The following CMSS1 variants were observed in gnomAD, a reference collection of about 807,000 sequenced individuals.
CMSS1 encodes cms1 ribosomal small subunit homolog.
Under a neutral mutation model 43.5 loss-of-function variants are expected in CMSS1, and 33 were observed. The observed-to-expected ratio is 0.76, with a 90% CI of 0.57 to 1.01. CMSS1 has a LOEUF of 1.01. Ranked by LOEUF, CMSS1 falls within the 50% of genes least tolerant of loss-of-function variation. The pLI is 0.00. For missense variants in CMSS1, 313 were observed against 326.4 expected (o/e 0.96, Z 0.32); for synonymous variants, 115 against 117.2 (o/e 0.98, Z 0.12).
intron 1 of CMSS1, among the ~76,000 whole-genome samples, chr3:100,065,996 A>G (rs1185195258): frequency 1.3e-5 from 2 of 152,210 alleles, no homozygotes; most frequent in Admixed American, 6.5e-5. Flanking sequence ...CGACCCAGCA[A>G]TATGTACTTT....
chr3:99,906,307 A>G (rs934360888), intron 1 of CMSS1, among the ~76,000 whole-genome samples: 3 of 152,194 alleles, frequency 2.0e-5, no homozygotes, highest in East Asian at 1.9e-4. Context: ...TCCCTTTCAC[A>G]TGCTTATTTG....
Position 100,109,087 on chromosome 3 carries a change from T to TAA in CMSS1, c.65-37873_65-37872dup, listed in dbSNP as rs5851196. On this transcript the variant is annotated intron_variant, in intron 1 of 9. Coordinates refer to ENST00000421999, the MANE Select transcript of CMSS1 (RefSeq NM_032359.4). ...AGGATGATCGTTTTTAACTGTCTCT[T>TAA]AAAAAAAAAAAAAAGCATATTTCTC... Among the ~76,000 whole-genome samples the TAA allele has an allele frequency of 5.5e-5, 8 of 144,898 alleles. No homozygotes were observed. In the South Asian group the frequency reaches 1.7e-3, roughly 32 times the overall value.
chr3:100,158,897 C>T (rs191910314), intron 2 of CMSS1, among the ~76,000 whole-genome samples: 9 of 152,326 alleles, frequency 5.9e-5, no homozygotes, highest in Non-Finnish European at 4.4e-5. Flanking sequence ...CACCTCCATA[C>T]GTTAATAGAT....
At chr3:99,878,774 T>TA (rs1013792342) in intron 1 of CMSS1, among the ~76,000 whole-genome samples, 1 of 152,228 alleles carries the variant, frequency 6.6e-6, no homozygotes, top group African/African-American at 2.4e-5. Flanking sequence ...CTTTAACTGA[T>TA]ACAAGAGTAC....
intron 1 of CMSS1, among the ~76,000 whole-genome samples, chr3:99,968,570 T>C (rs2107713596): frequency 6.6e-6 from 1 of 152,072 alleles, no homozygotes; most frequent in East Asian, 1.9e-4. Flanking sequence ...CAGTGGTGTT[T>C]AAAATCAAGA....
chr3:100,090,376 A>G (rs1039050151), intron 1 of CMSS1, among the ~76,000 whole-genome samples: 2 of 152,240 alleles, frequency 1.3e-5, no homozygotes, highest in Non-Finnish European at 2.9e-5. Context: ...ATGGGATTCA[A>G]TCATGCTGGT....
intron 1 of CMSS1, among the ~76,000 whole-genome samples, chr3:99,829,658 G>T (rs991888835): frequency 6.6e-6 from 1 of 152,122 alleles, no homozygotes; most frequent in African/African-American, 2.4e-5. Flanking sequence ...TTTCGATAGT[G>T]TTTATTCAGA....
intron 1 of CMSS1, among the ~76,000 whole-genome samples, chr3:99,953,538 T>G (rs1221627562): frequency 3.3e-5 from 5 of 152,156 alleles, no homozygotes. Context: ...CGTTGGACCA[T>G]TTTACCTTTG....
At chr3:100,152,015 C>G (rs1329163497) in intron 2 of CMSS1, among the ~76,000 whole-genome samples, 1 of 152,132 alleles carries the variant, frequency 6.6e-6, no homozygotes, top group African/African-American at 2.4e-5. Flanking sequence ...GTAGTATAAC[C>G]TTTATTGACA....
At chr3:100,142,431 T>C (rs1266318954) in intron 1 of CMSS1, among the ~76,000 whole-genome samples, 1 of 152,226 alleles carries the variant, frequency 6.6e-6, no homozygotes, top group Non-Finnish European at 1.5e-5. Context: ...CTAGAGATAA[T>C]TTAAAGTATA....
intron 1 of CMSS1, among the ~76,000 whole-genome samples, chr3:99,886,604 A>G (rs1281440233): frequency 6.6e-6 from 1 of 152,160 alleles, no homozygotes; most frequent in Non-Finnish European, 1.5e-5. Context: ...AAGGCCCAAA[A>G]AAAAATTAAC....
intron 1 of CMSS1, among the ~76,000 whole-genome samples, chr3:100,045,191 C>T (rs1412190717): frequency 6.6e-6 from 1 of 152,200 alleles, no homozygotes; most frequent in African/African-American, 2.4e-5. Flanking sequence ...CTCTCGAAGC[C>T]TTAGTTGTTG....
intron 2 of CMSS1, among the ~76,000 whole-genome samples, chr3:100,151,302 A>G (rs886546125): frequency 2.4e-4 from 37 of 152,320 alleles, no homozygotes; most frequent in African/African-American, 8.7e-4. Flanking sequence ...TAAAACAAAA[A>G]CATTTATTAT....
At position 100,164,949 on chromosome 3, in the gene CMSS1, G is replaced by A. The variant is rs568725594; in HGVS notation, c.356-1386G>A. Among the ~76,000 whole-genome samples, 8 of 152,274 alleles carry A rather than the reference G, an allele frequency of 5.3e-5. No individual in the cohort carries two copies. In the South Asian group the frequency reaches 1.7e-3, roughly 32 times the overall value. On this transcript the variant is annotated intron_variant, in intron 4 of 9. Coordinates refer to ENST00000421999, the MANE Select transcript of CMSS1 (RefSeq NM_032359.4). ...ATGGGCACTTAATTAGGATTTCAAG[G>A]TTGGAGTCACCCGGAGCTAATTAAC... is the stretch of plus-strand genomic sequence containing the variant.
intron 1 of CMSS1, among the ~76,000 whole-genome samples, chr3:99,946,424 T>C (rs1444142749): frequency 2.0e-5 from 3 of 152,246 alleles, no homozygotes; most frequent in Admixed American, 2.0e-4. Context: ...GTCTTTTCTG[T>C]GTGGCTGCTA....
chr3:100,047,510 C>T (rs1041234832), intron 1 of CMSS1, among the ~76,000 whole-genome samples: 5 of 152,242 alleles, frequency 3.3e-5, no homozygotes, highest in African/African-American at 1.2e-4. Context: ...CTGAAACCAG[C>T]GAGGGTCATA....
In CMSS1 at chr3:99,965,383, A is replaced by G. The variant is rs956403907; in HGVS notation, c.64+147340A>G. Among the ~76,000 whole-genome samples the G allele has an allele frequency of 2.6e-5, 4 of 152,274 alleles. No individual in the cohort carries two copies. In the South Asian group the frequency reaches 6.2e-4, roughly 24 times the overall value. On this transcript the variant is annotated intron_variant, in intron 1 of 9. Transcript: ENST00000421999. ...TCTCTCTGTTGCCCAGTCAGGTGCT[A>G]TGGCATGTGCTGCTTCTGGCGTAGT...
intron 1 of CMSS1, among the ~76,000 whole-genome samples, chr3:100,082,471 A>G (rs1021766598): frequency 5.3e-5 from 8 of 152,116 alleles, no homozygotes; most frequent in Non-Finnish European, 7.4e-5. Context: ...AATGGTTTCT[A>G]TTTTCTTCTA....
At chr3:99,867,896 AG>A (rs1944599712) in intron 1 of CMSS1, among the ~76,000 whole-genome samples, 1 of 152,232 alleles carries the variant, frequency 6.6e-6, no homozygotes, top group Non-Finnish European at 1.5e-5. Context: ...ATGCTGTAAA[AG>A]CAAATAAGTA....
Sources: gnomAD v4.1 joint callset for allele counts (sites outside exome capture counted in the v4.1 genomes callset) on GRCh38, gnomAD v4.1.1 for gene constraint, MANE v1.5 for transcripts, NCBI Gene and HGNC (gene_info 2026-07-23, HGNC 2026-07-21) for gene names.